ACYP2: variants seen among roughly 807,000 people sequenced by gnomAD.
ACYP2 encodes acylphosphatase-2.
A neutral mutation model predicts 11.2 loss-of-function variants in ACYP2; 12 were observed. That is an observed-to-expected ratio of 1.08 (90% CI 0.69 to 1.74). The LOEUF (loss-of-function observed/expected upper bound fraction) is 1.74. Among genes scored for constraint, ACYP2 ranks in the 40% most tolerant of loss-of-function variants. The pLI is 0.00. For synonymous variants in ACYP2, 43 were observed against 32.2 expected, an observed-to-expected ratio of 1.33 and a Z score of -1.13; for missense variants, 134 against 101.9, an observed-to-expected ratio of 1.31 and a Z score of -1.35.
chr2:54,203,176 T>C (rs1399545263), intron 6 of ACYP2, among the ~76,000 whole-genome samples: 2 of 150,808 alleles, frequency 1.3e-5, no homozygotes. Context: ...GTTTATAGTC[T>C]TGCACTTCTT....
intron 6 of ACYP2, among the ~76,000 whole-genome samples, chr2:54,298,024 G>A (rs376243107): frequency 4.6e-5 from 7 of 152,024 alleles, no homozygotes; most frequent in Non-Finnish European, 4.4e-5. Flanking sequence ...ATGAGGTGGC[G>A]GTATAGGGAC....
intron 2 of ACYP2, among the ~76,000 whole-genome samples, chr2:54,041,194 G>T (rs566612531): frequency 6.6e-6 from 1 of 151,838 alleles, no homozygotes; most frequent in Non-Finnish European, 1.5e-5. Context: ...CAATCTGCCT[G>T]CCTCAGCCTC....
At chr2:54,212,113 G>A (rs1445410539) in intron 6 of ACYP2, among the ~76,000 whole-genome samples, 3 of 152,154 alleles carry the variant, frequency 2.0e-5, no homozygotes, top group Admixed American at 6.5e-5. Context: ...GGCAGTGTTA[G>A]TTTTTTAGCA....
At chr2:54,051,537 A>G (rs1675867297) in intron 3 of ACYP2, 1 of 731,822 alleles carries the variant, frequency 1.4e-6, no homozygotes, top group Non-Finnish European at 2.5e-6. Flanking sequence ...AATTGCCCAA[A>G]AATAAAAGGA....
chr2:54,221,382 A>T (rs1014141219), intron 6 of ACYP2, among the ~76,000 whole-genome samples: 1 of 152,340 alleles, frequency 6.6e-6, no homozygotes, highest in Non-Finnish European at 1.5e-5. Context: ...ATTAAGAAAA[A>T]GTAAAATTAT....
chr2:54,153,006 T>A (rs1024353470), intron 6 of ACYP2, among the ~76,000 whole-genome samples: 4 of 152,128 alleles, frequency 2.6e-5, no homozygotes, highest in African/African-American at 9.7e-5. Flanking sequence ...ATTACTTTTT[T>A]AAAAATGTAT....
intron 6 of ACYP2, among the ~76,000 whole-genome samples, chr2:54,257,878 T>C (rs1439755491): frequency 3.3e-5 from 5 of 152,160 alleles, no homozygotes; most frequent in Non-Finnish European, 7.3e-5. Flanking sequence ...ACAAATGGAA[T>C]CAGTAGCTTA....
chr2:53,992,375 C>G (rs1284919387), intron 2 of ACYP2, among the ~76,000 whole-genome samples: 4 of 152,104 alleles, frequency 2.6e-5, no homozygotes, highest in African/African-American at 4.8e-5. Context: ...TTTAAACTTT[C>G]AAAAGATCTC....
chr2:54,184,873 G>GT (rs1683902806), intron 6 of ACYP2, among the ~76,000 whole-genome samples: 1 of 147,400 alleles, frequency 6.8e-6, no homozygotes, highest in Non-Finnish European at 1.5e-5. Flanking sequence ...GGAGACAAGA[G>GT]TTTCACTCTG....
At chr2:54,189,340 C>G (rs1684139939) in intron 6 of ACYP2, among the ~76,000 whole-genome samples, 1 of 152,286 alleles carries the variant, frequency 6.6e-6, no homozygotes, top group African/African-American at 2.4e-5. Context: ...CCTCACCCTC[C>G]ACCTAACCAC....
chr2:54,241,622 TC>T (rs1191319035), intron 6 of ACYP2, among the ~76,000 whole-genome samples: 13 of 152,250 alleles, frequency 8.5e-5, no homozygotes, highest in African/African-American at 2.9e-4. Flanking sequence ...GTCACGTCTT[TC>T]TCTTGAATGA....
At chr2:54,077,505 C>T (rs1677408366) in intron 4 of ACYP2, among the ~76,000 whole-genome samples, 1 of 152,184 alleles carries the variant, frequency 6.6e-6, no homozygotes, top group Non-Finnish European at 1.5e-5. Flanking sequence ...AGTATTGCAG[C>T]ACGGCTGCTG....
At chr2:54,119,051 C>CT (rs10542497) in intron 4 of ACYP2, among the ~76,000 whole-genome samples, 1,205 of 43,778 alleles carry the variant, frequency 0.028, 108 homozygotes, top group Non-Finnish European at 0.03. Flanking sequence ...TCTTAGTAGT[C>CT]TTTTTTTTTT....
intron 2 of ACYP2, among the ~76,000 whole-genome samples, chr2:54,048,174 C>G (rs1463510827): frequency 2.6e-5 from 4 of 151,842 alleles, no homozygotes; most frequent in Non-Finnish European, 5.9e-5. Context: ...GTCTGTAATC[C>G]CAGCGCTTTG....
intron 4 of ACYP2, among the ~76,000 whole-genome samples, chr2:54,093,344 A>G (rs1002946500): frequency 6.6e-6 from 1 of 152,244 alleles, no homozygotes. Flanking sequence ...GTCTCTGCAA[A>G]ATGTGACTGC....
At chr2:54,288,942 G>A (rs1242669587) in intron 6 of ACYP2, among the ~76,000 whole-genome samples, 1 of 151,908 alleles carries the variant, frequency 6.6e-6, no homozygotes, top group Non-Finnish European at 1.5e-5. Context: ...TAGTTTCATG[G>A]TTGTAACTTC....
chr2:54,274,842 G>A (rs188271170), intron 6 of ACYP2, among the ~76,000 whole-genome samples: 4 of 152,224 alleles, frequency 2.6e-5, no homozygotes, highest in African/African-American at 7.2e-5. Context: ...AGCCATGCAC[G>A]GTTTCTCCAA....
At chr2:54,182,499 G>C (rs1005266415) in intron 6 of ACYP2, among the ~76,000 whole-genome samples, 1 of 152,020 alleles carries the variant, frequency 6.6e-6, no homozygotes, top group Admixed American at 6.6e-5. Flanking sequence ...GCGTCACCAC[G>C]CCCAGCTATT....
At position 54,089,657 on chromosome 2, in the gene ACYP2, C is replaced by T. The variant is rs562774971; in HGVS notation, c.277+32297C>T. Among the ~76,000 whole-genome samples the T allele has an allele frequency of 9.2e-5, 14 of 151,872 alleles. No individual in the cohort carries two copies. The South Asian group carries it at 1.7e-3, about 18-fold the overall frequency. ...CAGGGGGCTGAGGTGAAAGGATCGC[C>T]TAAGCCCCAGTGGTCAAGGTTGCAG... On this transcript the variant is annotated intron_variant, in intron 4 of 6. Transcript: ENST00000607452.
Sources: allele counts gnomAD v4.1 joint callset (sites outside exome capture counted in the v4.1 genomes callset), GRCh38; gene constraint gnomAD v4.1.1; transcripts MANE v1.5; gene names NCBI Gene and HGNC (gene_info 2026-07-23, HGNC 2026-07-21).